Variants in MME observed in about 807,000 individuals in gnomAD.
MME encodes the protein membrane metalloendopeptidase.
MME carries 98 observed loss-of-function variants against 113.2 expected under a neutral mutation model. The ratio of observed to expected loss-of-function variants is 0.87; its 90% CI spans 0.74 to 1.02. The LOEUF (loss-of-function observed/expected upper bound fraction) is 1.02, where lower values mean the gene tolerates loss of function less well. Among genes scored for constraint, MME ranks in the 50% least tolerant of loss-of-function variants. The pLI is 0.00. For missense variants in MME, 836 were observed against 896.0 expected, an observed-to-expected ratio of 0.93 and a Z score of 0.86; for synonymous variants, 292 against 300.6, an observed-to-expected ratio of 0.97 and a Z score of 0.30.
At chr3:155,039,901 TCTAA>T (rs1355361853) in intron 1 of MME, among the ~76,000 whole-genome samples, 1 of 152,150 alleles carries the variant, frequency 6.6e-6, no homozygotes, top group African/African-American at 2.4e-5. Flanking sequence ...AATGACTAAA[TCTAA>T]CTGATTAATA....
intron 1 of MME, among the ~76,000 whole-genome samples, chr3:155,047,048 A>T (rs1305457721): frequency 1.3e-5 from 2 of 152,210 alleles, no homozygotes; most frequent in African/African-American, 4.8e-5. Context: ...GTGATTATAA[A>T]GTCTACAGTA....
intron 10 of MME, 45 bp from the exon 11 acceptor site, chr3:155,141,946 G>C (rs764104682): frequency 6.2e-7 from 1 of 1,610,382 alleles, no homozygotes; most frequent in Non-Finnish European, 8.5e-7. Flanking sequence ...GACCCAAGAA[G>C]AGAAATCCAC....
At chr3:155,154,465 A>G (rs1228941791) in intron 16 of MME, among the ~76,000 whole-genome samples, 1 of 152,170 alleles carries the variant, frequency 6.6e-6, no homozygotes, top group Non-Finnish European at 1.5e-5. Context: ...TTATAAAATG[A>G]GTAGGCTGTG....
At chr3:155,046,077 T>G (rs1489456917) in intron 1 of MME, among the ~76,000 whole-genome samples, 1 of 152,200 alleles carries the variant, frequency 6.6e-6, no homozygotes, top group African/African-American at 2.4e-5. Flanking sequence ...TTTGTGCCTC[T>G]ATCTCTTGCA....
intron 3 of MME, among the ~76,000 whole-genome samples, chr3:155,085,881 G>A (rs1327853181): frequency 6.6e-6 from 1 of 152,206 alleles, no homozygotes; most frequent in Admixed American, 6.5e-5. Context: ...ATGTGGCGGT[G>A]CAGAAGAGGG....
intron 3 of MME, chr3:155,085,303 C>A (rs935123057): frequency 9.3e-5 from 41 of 440,742 alleles, no homozygotes; most frequent in Admixed American, 8.1e-4. Flanking sequence ...CTATTTTCAG[C>A]CCTGGGCTGT....
intron 1 of MME, among the ~76,000 whole-genome samples, chr3:155,028,310 G>T (rs1712853768): frequency 6.6e-6 from 1 of 152,172 alleles, no homozygotes; most frequent in Admixed American, 6.5e-5. Flanking sequence ...TAGAAATGGG[G>T]AATACATGAG....
rs1191940976 is a variant in MME, at chr3:155,084,160, T to G, written c.-8T>G. 6.2e-7 allele frequency: 1 copy of G among 1,613,430 alleles called. No individual in the cohort carries two copies. Among genetic ancestry groups the G allele is most frequent in the South Asian group, 1.1e-5 (1 of 91,062 alleles). ...ATTAGTATTTTCATTTTTTGCAGAT[T>G]TTAGGTGATGGGCAAGTCAGAAAGT... On this transcript the variant is annotated splice_region_variant and 5_prime_UTR_variant, in exon 2 of 23. The change creates a new upstream start codon in the 5' untranslated region. Transcript: ENST00000360490.
intron 15 of MME, 75 bp from the exon 16 acceptor site, chr3:155,148,475 A>C: frequency 1.0e-6 from 1 of 969,370 alleles, no homozygotes; most frequent in Admixed American, 2.0e-5. Flanking sequence ...AATTTAAGAA[A>C]ATCCCTATGT....
intron 3 of MME, among the ~76,000 whole-genome samples, chr3:155,109,854 G>A (rs1486684031): frequency 6.6e-6 from 1 of 152,180 alleles, no homozygotes; most frequent in Admixed American, 6.5e-5. Context: ...ATTTTCCAAT[G>A]TGCTCCAAAG....
At chr3:155,090,494 A>G (rs1442448875) in intron 3 of MME, 1 of 152,318 alleles carries the variant, frequency 6.6e-6, no homozygotes, top group East Asian at 1.9e-4. Context: ...AAAAAATAAA[A>G]CGATTATAAT....
chr3:155,096,640 G>T (rs1304858065), intron 3 of MME, among the ~76,000 whole-genome samples: 1 of 152,172 alleles, frequency 6.6e-6, no homozygotes, highest in Non-Finnish European at 1.5e-5. Context: ...AGGAAATTGG[G>T]CTACTGCACT....
intron 18 of MME, among the ~76,000 whole-genome samples, chr3:155,167,903 T>C (rs2108365037): frequency 6.6e-6 from 1 of 152,296 alleles, no homozygotes; most frequent in Non-Finnish European, 1.5e-5. Context: ...ATAGCCCTTT[T>C]CTTAATCACT....
At position 155,025,539 on chromosome 3, in the gene MME, A is replaced by G. The variant is rs564954765; in HGVS notation, c.-11+1215A>G. On this transcript the variant is annotated intron_variant, in intron 1 of 22. Coordinates refer to the MME transcript ENST00000492661. ...CTCAGGAGGCTGAACCAGGAGAATC[A>G]CTTGAACCCAGGAGGCAGAGGTTGC... 1.8e-3 allele frequency among the ~76,000 whole-genome samples: 269 copies of G among 149,792 alleles called. 2 individuals are homozygous for G. Among genetic ancestry groups the G allele is most frequent in the African/African-American group, 6.3e-3 (259 of 40,812 alleles).
At chr3:155,067,886 T>C (rs1017622146) in intron 1 of MME, among the ~76,000 whole-genome samples, 3 of 152,152 alleles carry the variant, frequency 2.0e-5, no homozygotes, top group Non-Finnish European at 4.4e-5. Flanking sequence ...GTTAAATAGT[T>C]AAACATTACT....
intron 15 of MME, 83 bp from the exon 16 acceptor site, chr3:155,148,467 T>C (rs926943094): frequency 5.0e-5 from 45 of 902,942 alleles, no homozygotes; most frequent in Middle Eastern, 3.1e-4. Flanking sequence ...ACTGATATAA[T>C]TTAAGAAAAT....
upstream of MME, among the ~76,000 whole-genome samples, chr3:155,077,269 C>T (rs143371724): frequency 1.3e-5 from 2 of 152,270 alleles, no homozygotes; most frequent in Non-Finnish European, 2.9e-5. Context: ...ATTTGTGTCA[C>T]ACACAGTGGT....
At chr3:155,076,012 T>C (rs1714736614), upstream of MME, among the ~76,000 whole-genome samples, 1 of 152,250 alleles carries the variant, frequency 6.6e-6, no homozygotes, top group Non-Finnish European at 1.5e-5. Flanking sequence ...CCATAAACTA[T>C]TATTTTGCTT....
intron 9 of MME, among the ~76,000 whole-genome samples, chr3:155,138,941 G>T (rs192153872): frequency 1.3e-5 from 2 of 152,000 alleles, no homozygotes; most frequent in African/African-American, 4.8e-5. Flanking sequence ...GACCCACAGA[G>T]TTCTCTTTGT....
Sources: gnomAD v4.1 joint callset for allele counts (sites outside exome capture counted in the v4.1 genomes callset) on GRCh38, gnomAD v4.1.1 for gene constraint, MANE v1.5 for transcripts, NCBI Gene and HGNC (gene_info 2026-07-23, HGNC 2026-07-21) for gene names.